SAMMSON: variants seen among roughly 807,000 people sequenced by gnomAD.
SAMMSON encodes long intergenic non-protein coding RNA 1212.
chr3:70,294,837 A>G (rs1702274623), intron 7 of SAMMSON, among the ~76,000 whole-genome samples: 3 of 152,142 alleles, frequency 2.0e-5, no homozygotes, highest in Admixed American at 2.0e-4. Context: ...AGTTTCAAGC[A>G]TCACGTAGCA....
chr3:70,211,055 T>G, intron 4 of SAMMSON, among the ~76,000 whole-genome samples: 1 of 152,238 alleles, frequency 6.6e-6, no homozygotes, highest in South Asian at 2.1e-4. Flanking sequence ...GACTTTGTAA[T>G]TTTTGCATCC....
chr3:70,156,736 T>G (rs2067593680), intron 4 of SAMMSON, among the ~76,000 whole-genome samples: 1 of 151,936 alleles, frequency 6.6e-6, no homozygotes, highest in Non-Finnish European at 1.5e-5. Flanking sequence ...AAATGTCTGA[T>G]TTTTTTTCTT....
intron 7 of SAMMSON, among the ~76,000 whole-genome samples, chr3:70,317,065 T>C (rs1702500272): frequency 6.6e-6 from 1 of 151,976 alleles, no homozygotes; most frequent in Non-Finnish European, 1.5e-5. Flanking sequence ...ATAGCAAAAA[T>C]GTTGCTCCAC....
intron 4 of SAMMSON, among the ~76,000 whole-genome samples, chr3:70,101,819 T>G (rs1190239359): frequency 3.3e-5 from 5 of 152,128 alleles, no homozygotes; most frequent in African/African-American, 4.8e-5. Context: ...AAAAATCAAT[T>G]AATAACGAAA....
At chr3:70,413,212 C>T (rs1175599397) in intron 2 of SAMMSON, among the ~76,000 whole-genome samples, 1 of 152,114 alleles carries the variant, frequency 6.6e-6, no homozygotes, top group African/African-American at 2.4e-5. Context: ...TACCTACAAA[C>T]AGAAATTCTT....
At chr3:70,239,444 C>T (rs1240948352) in intron 4 of SAMMSON, among the ~76,000 whole-genome samples, 1 of 152,136 alleles carries the variant, frequency 6.6e-6, no homozygotes, top group African/African-American at 2.4e-5. Context: ...CCAAAGAGAA[C>T]ATTTCCAACT....
chr3:70,237,003 C>G (rs1701616571), intron 4 of SAMMSON, among the ~76,000 whole-genome samples: 1 of 152,188 alleles, frequency 6.6e-6, no homozygotes, highest in South Asian at 2.1e-4. Flanking sequence ...GTGTCAATGT[C>G]AAGGCAACAT....
chr3:70,008,901 C>T (rs1331193065), intron 1 of SAMMSON, among the ~76,000 whole-genome samples: 14 of 152,034 alleles, frequency 9.2e-5, no homozygotes, highest in Non-Finnish European at 1.8e-4. Context: ...GATAATCATA[C>T]GGTTTTTGTC....
At chr3:70,133,731 T>C (rs543860742) in intron 4 of SAMMSON, among the ~76,000 whole-genome samples, 1 of 152,218 alleles carries the variant, frequency 6.6e-6, no homozygotes, top group East Asian at 1.9e-4. Context: ...TTTAGGCAGT[T>C]GGTGTCTGTC....
chr3:70,245,934 C>T (rs1701703999), intron 4 of SAMMSON, among the ~76,000 whole-genome samples: 1 of 151,332 alleles, frequency 6.6e-6, no homozygotes, highest in Non-Finnish European at 1.5e-5. Flanking sequence ...AGATCATCCT[C>T]TTGCTCTTCC....
chr3:70,152,280 T>C (rs1033723205), intron 4 of SAMMSON, among the ~76,000 whole-genome samples: 1 of 152,030 alleles, frequency 6.6e-6, no homozygotes, highest in Non-Finnish European at 1.5e-5. Flanking sequence ...GCTTTGAGCA[T>C]TGACAGTCCC....
intron 9 of SAMMSON, among the ~76,000 whole-genome samples, chr3:70,388,381 A>C (rs1701001114): frequency 6.6e-6 from 1 of 152,162 alleles, no homozygotes; most frequent in Non-Finnish European, 1.5e-5. Context: ...TCTTTACAAA[A>C]AAGTTTTCCA....
intron 4 of SAMMSON, among the ~76,000 whole-genome samples, chr3:70,147,631 T>G (rs2067554866): frequency 6.6e-6 from 1 of 152,072 alleles, no homozygotes; most frequent in Non-Finnish European, 1.5e-5. Context: ...TGACCTAATC[T>G]CATACCTTAT....
intron 4 of SAMMSON, among the ~76,000 whole-genome samples, chr3:70,148,882 C>A (rs1482764909): frequency 5.9e-5 from 9 of 151,922 alleles, no homozygotes; most frequent in Non-Finnish European, 1.3e-4. Context: ...CTGCAGAAAG[C>A]GTGATGGTTT....
At chr3:70,125,006 C>T (rs1023039299) in intron 4 of SAMMSON, 4 of 672,780 alleles carry the variant, frequency 5.9e-6, no homozygotes, top group Non-Finnish European at 8.0e-6. Flanking sequence ...CAATTTCTTC[C>T]TGTCCAAGTT....
At chr3:70,142,353 G>T (rs1176785497) in intron 4 of SAMMSON, among the ~76,000 whole-genome samples, 1 of 152,140 alleles carries the variant, frequency 6.6e-6, no homozygotes, top group Non-Finnish European at 1.5e-5. Context: ...ATACTACTCA[G>T]CCATAAAAAG....
Position 70,169,702 on chromosome 3 carries a change from T to G in SAMMSON, n.508-79405T>G, listed in dbSNP as rs2067654340. Among the ~76,000 whole-genome samples, 3 of 151,106 alleles carry G rather than the reference T, an allele frequency of 2.0e-5. No individual in the cohort carries two copies. In the South Asian group the frequency reaches 6.2e-4, roughly 31 times the overall value. On this transcript the variant is annotated intron_variant and non_coding_transcript_variant, in intron 4 of 9. Coordinates refer to ENST00000642114, the Ensembl canonical transcript of SAMMSON. ...GATTTGCTCCCCAGAACAGTCTTTCTAGAACTCTAGGTAGACAATGCTCTA... is the reference window on the plus strand; with the variant it reads ...GATTTGCTCCCCAGAACAGTCTTTCGAGAACTCTAGGTAGACAATGCTCTA...
At chr3:70,035,490 C>T (rs1238559791) in intron 3 of SAMMSON, among the ~76,000 whole-genome samples, 3 of 152,128 alleles carry the variant, frequency 2.0e-5, no homozygotes, top group African/African-American at 4.8e-5. Context: ...GAATAACCAG[C>T]AGCTAGGAAT....
Position 70,236,651 on chromosome 3 carries a change from A to G in SAMMSON, n.508-12456A>G, listed in dbSNP as rs112455533. Among the ~76,000 whole-genome samples, 103 of 152,196 alleles carry G rather than the reference A, an allele frequency of 6.8e-4. 2 individuals carry two copies. The highest frequency in any genetic ancestry group is 5.2e-3 in the South Asian group (25 of 4,810). ...CACTCTGTCACCCAGGCTGGAGTGC[A>G]GCGGCACAATCATGGCTCGCTGCAG... On this transcript the variant is annotated intron_variant and non_coding_transcript_variant, in intron 4 of 9. Coordinates refer to ENST00000642114, the Ensembl canonical transcript of SAMMSON.
Sources: allele counts gnomAD v4.1 joint callset (sites outside exome capture counted in the v4.1 genomes callset), GRCh38; gene constraint gnomAD v4.1.1; transcripts MANE v1.5; gene names NCBI Gene and HGNC (gene_info 2026-07-23, HGNC 2026-07-21).